SRGAP2: variants seen among roughly 807,000 people sequenced by gnomAD.
SRGAP2 encodes SLIT-ROBO Rho GTPase-activating protein 2.
SRGAP2 carries 15 observed loss-of-function variants against 57.2 expected under a neutral mutation model. The observed-to-expected ratio is 0.26, with a 90% CI of 0.18 to 0.40. The LOEUF is 0.40. SRGAP2 is among the 10% of genes least tolerant of loss of function. The probability of loss-of-function intolerance (pLI) is 1.00; values close to 1 mark genes in which losing one functional copy is unlikely to be tolerated. For missense variants in SRGAP2, 520 were observed against 669.6 expected, an observed-to-expected ratio of 0.78 and a Z score of 2.47; for synonymous variants, 249 against 248.0, an observed-to-expected ratio of 1.00 and a Z score of -0.04.
intron 3 of SRGAP2, among the ~76,000 whole-genome samples, chr1:206,308,562 T>C (rs1429255814): frequency 8.5e-5 from 7 of 82,570 alleles, no homozygotes; most frequent in African/African-American, 3.5e-4. Flanking sequence ...CTTTGTGCCT[T>C]GGAGTGTAGC....
chr1:206,230,819 G>A (rs1238860276), intron 2 of SRGAP2, among the ~76,000 whole-genome samples: 4 of 143,670 alleles, frequency 2.8e-5, no homozygotes, highest in Non-Finnish European at 5.9e-5. Context: ...GTAGAGATGG[G>A]GTTTCACCAT....
intron 3 of SRGAP2, among the ~76,000 whole-genome samples, chr1:206,326,389 G>C (rs529741233): frequency 5.3e-5 from 8 of 151,762 alleles, no homozygotes; most frequent in Admixed American, 2.0e-4. Flanking sequence ...GCTTTCAGGC[G>C]CCGTTAGGCA....
chr1:206,312,970 T>A (rs1257052237), intron 3 of SRGAP2, among the ~76,000 whole-genome samples: 2 of 152,314 alleles, frequency 1.3e-5, no homozygotes, highest in East Asian at 1.9e-4. Flanking sequence ...TTTTTTTTTT[T>A]AAATAGACTT....
chr1:206,309,877 C>T (rs1672508826), intron 3 of SRGAP2, among the ~76,000 whole-genome samples: 1 of 151,006 alleles, frequency 6.6e-6, no homozygotes, highest in East Asian at 1.9e-4. Context: ...TCCAGGACCC[C>T]AGGCTTAGAC....
intron 2 of SRGAP2, among the ~76,000 whole-genome samples, chr1:206,300,014 CT>C (rs1449589179): frequency 6.7e-6 from 1 of 150,172 alleles, no homozygotes; most frequent in African/African-American, 2.5e-5. Context: ...AACAGAGCCT[CT>C]TTTTTTTCCT....
intron 2 of SRGAP2, among the ~76,000 whole-genome samples, chr1:206,241,900 G>A (rs1668253153): frequency 1.4e-5 from 2 of 139,568 alleles, no homozygotes; most frequent in Admixed American, 7.3e-5. Context: ...TTTAATGCTG[G>A]GAGGTGTTTG....
At chr1:206,445,243 A>G (rs1475720116) in intron 17 of SRGAP2, among the ~76,000 whole-genome samples, 4 of 152,210 alleles carry the variant, frequency 2.6e-5, no homozygotes, top group Admixed American at 6.5e-5. Context: ...GCAAGGCCCA[A>G]TGGGACTCAT....
At chr1:206,433,290 T>C (rs1193458512) in intron 14 of SRGAP2, among the ~76,000 whole-genome samples, 1 of 152,192 alleles carries the variant, frequency 6.6e-6, no homozygotes, top group Non-Finnish European at 1.5e-5. Context: ...GCATTTCTCT[T>C]ACCTTAGTGT....
chr1:206,253,727 G>A (rs782219461), intron 2 of SRGAP2, among the ~76,000 whole-genome samples: 26 of 150,130 alleles, frequency 1.7e-4, no homozygotes, highest in African/African-American at 5.4e-4. Flanking sequence ...GACTACAGGC[G>A]CCCGCCACCA....
chr1:206,436,351 C>CTT (rs558991193), intron 14 of SRGAP2, among the ~76,000 whole-genome samples: 2 of 144,314 alleles, frequency 1.4e-5, no homozygotes, highest in Non-Finnish European at 3.1e-5. Flanking sequence ...ATTTCCCATT[C>CTT]TTTTTTTTTT....
At chr1:206,419,479 G>A in intron 12 of SRGAP2, 79 bp downstream of exon 12, 1 of 776,788 alleles carries the variant, frequency 1.3e-6, no homozygotes, top group Middle Eastern at 2.4e-4. Flanking sequence ...AGAGAGCCAA[G>A]GAGTTGAGTT....
intron 2 of SRGAP2, among the ~76,000 whole-genome samples, chr1:206,289,235 T>G (rs1235302443): frequency 6.9e-6 from 1 of 143,956 alleles, no homozygotes; most frequent in Non-Finnish European, 1.5e-5. Flanking sequence ...CAGATATAAT[T>G]TATCTTTGAA....
chr1:206,425,477 T>G (rs1660709715), intron 13 of SRGAP2, among the ~76,000 whole-genome samples: 1 of 152,192 alleles, frequency 6.6e-6, no homozygotes. Context: ...TTAGAACTTA[T>G]TTCTTCTATC....
Position 206,461,855 on chromosome 1 carries a change from T to A in SRGAP2, c.*435T>A, listed in dbSNP as rs1228753899. ...TTATAGAGAATCATATATAGTCCAG[T>A]CTTCATTTTACATACACACACATAT... On this transcript the variant is annotated 3_prime_UTR_variant, in exon 23 of 23. Coordinates refer to ENST00000573034, the MANE Select transcript of SRGAP2 (RefSeq NM_015326.5). The A allele has an allele frequency of 6.1e-6, 1 of 164,052 alleles. No homozygotes were observed. The highest frequency in any genetic ancestry group is 2.4e-5 in the African/African-American group (1 of 41,608). The allele number at this position is 164,052 out of a possible 1,614,324, so 10.2% of individuals were successfully genotyped here.
intron 11 of SRGAP2, among the ~76,000 whole-genome samples, chr1:206,418,356 G>T (rs1204428586): frequency 6.6e-6 from 1 of 152,212 alleles, no homozygotes; most frequent in African/African-American, 2.4e-5. Flanking sequence ...AAGATGAGCT[G>T]AACTGTAAGC....
intron 5 of SRGAP2, among the ~76,000 whole-genome samples, chr1:206,386,622 C>G (rs1297365667): frequency 8.7e-6 from 1 of 115,082 alleles, no homozygotes; most frequent in Non-Finnish European, 1.8e-5. Flanking sequence ...ACGGTGAAAC[C>G]CTGTCTCTAC....
intron 3 of SRGAP2, among the ~76,000 whole-genome samples, chr1:206,322,349 C>T (rs560405134): frequency 2.8e-5 from 4 of 144,980 alleles, no homozygotes; most frequent in South Asian, 2.2e-4. Context: ...CGAGGCGGGC[C>T]GATCATGAGG....
At position 206,450,430 on chromosome 1, in the gene SRGAP2, A is replaced by T; in HGVS notation, c.2144A>T (p.Gln715Leu). The T allele has an allele frequency of 1.3e-6, 1 of 780,924 alleles. No individual in the cohort carries two copies. The highest frequency in any genetic ancestry group is 2.4e-6 in the Non-Finnish European group (1 of 417,980). 48.4% of individuals were successfully genotyped at this position (780,924 alleles called of 1,614,324 possible). Residue 715 changes from glutamine to leucine, a missense_variant, in exon 19 of 23, where the codon CAG (glutamine) becomes CTG (leucine). Gln to Leu is a moderately radical substitution (Grantham distance 113). Around this residue, in one of 5 missense-constraint regions of SRGAP2, gnomAD observed 478 missense variants for 373.6 expected, o/e 1.28. Coordinates refer to ENST00000573034, the MANE Select transcript of SRGAP2 (RefSeq NM_015326.5). ...GETTSVEDST[Q>L]DVTAEHHTSD... ...ACTACCTCGGTTGAAGACTCAACCC[A>T]GGATGTGACCGCAGAGCACCACACG...
chr1:206,325,721 A>AT (rs1385114047), intron 3 of SRGAP2, among the ~76,000 whole-genome samples: 1 of 151,928 alleles, frequency 6.6e-6, no homozygotes. Flanking sequence ...CTATAAGTTG[A>AT]TTTTTTTAAA....
Sources: allele counts gnomAD v4.1 joint callset (sites outside exome capture counted in the v4.1 genomes callset), GRCh38; gene constraint gnomAD v4.1.1; regional missense constraint gnomAD v4.1.1; transcripts MANE v1.5; gene names NCBI Gene and HGNC (gene_info 2026-07-23, HGNC 2026-07-21).